The following SLC8A1 variants were observed in gnomAD, a reference collection of about 807,000 sequenced individuals.
SLC8A1 encodes the protein solute carrier family 8 member A1.
SLC8A1 carries 18 observed loss-of-function variants against 68.3 expected under a neutral mutation model. The observed-to-expected ratio is 0.26, with a 90% confidence interval of 0.18 to 0.39. The LOEUF is 0.39. Among genes scored for constraint, SLC8A1 ranks in the 10% least tolerant of loss-of-function variants. The probability of loss-of-function intolerance (pLI) is 1.00; values close to 1 mark genes in which losing one functional copy is unlikely to be tolerated. For synonymous variants in SLC8A1, 475 were observed against 415.5 expected, an observed-to-expected ratio of 1.14 and a Z score of -1.74; for missense variants, 985 against 1,156.7, an observed-to-expected ratio of 0.85 and a Z score of 2.15.
intron 2 of SLC8A1, among the ~76,000 whole-genome samples, chr2:40,325,921 G>A (rs2075775600): frequency 6.6e-6 from 1 of 151,860 alleles, no homozygotes; most frequent in South Asian, 2.1e-4. Context: ...AAGGTAAAAT[G>A]CACATTAATG....
chr2:40,489,419 C>T (rs968612127), intron 1 of SLC8A1, among the ~76,000 whole-genome samples: 1 of 152,016 alleles, frequency 6.6e-6, no homozygotes, highest in Non-Finnish European at 1.5e-5. Context: ...AAGCAGGGTG[C>T]AAGGCAGAAA....
intron 2 of SLC8A1, among the ~76,000 whole-genome samples, chr2:40,225,303 A>T (rs1034409329): frequency 6.6e-6 from 1 of 152,190 alleles, no homozygotes; most frequent in East Asian, 1.9e-4. Context: ...TGATAAAATG[A>T]TAAACAGTAT....
chr2:40,375,563 G>A (rs1679543341), intron 2 of SLC8A1, among the ~76,000 whole-genome samples: 1 of 152,016 alleles, frequency 6.6e-6, no homozygotes. Context: ...TATGACTCCA[G>A]GATCATTACC....
At chr2:40,125,593 T>C (rs1022474632) in intron 7 of SLC8A1, among the ~76,000 whole-genome samples, 2 of 152,222 alleles carry the variant, frequency 1.3e-5, no homozygotes, top group African/African-American at 4.8e-5. Context: ...CAGTATGTTT[T>C]AGTGACTTCA....
chr2:40,183,009 T>C (rs1282624205), intron 2 of SLC8A1, among the ~76,000 whole-genome samples: 1 of 152,228 alleles, frequency 6.6e-6, no homozygotes, highest in Non-Finnish European at 1.5e-5. Flanking sequence ...TTGCTTTTTG[T>C]CTTTTAAGGT....
intron 1 of SLC8A1, among the ~76,000 whole-genome samples, chr2:40,464,894 T>C (rs1004023421): frequency 3.3e-5 from 5 of 152,054 alleles, no homozygotes; most frequent in African/African-American, 1.2e-4. Flanking sequence ...CCACACTGAT[T>C]AGATAATAAA....
intron 2 of SLC8A1, among the ~76,000 whole-genome samples, chr2:40,321,608 C>T (rs1160388644): frequency 6.6e-6 from 1 of 152,000 alleles, no homozygotes; most frequent in South Asian, 2.1e-4. Flanking sequence ...CAGAAAGGGA[C>T]GCAAATACAT....
intron 2 of SLC8A1, among the ~76,000 whole-genome samples, chr2:40,340,061 C>A (rs772425292): frequency 3.9e-5 from 6 of 152,098 alleles, no homozygotes; most frequent in Non-Finnish European, 8.8e-5. Flanking sequence ...TGCAAAAAAA[C>A]CAAAAACTTC....
chr2:40,222,001 C>T (rs962738139), intron 2 of SLC8A1, among the ~76,000 whole-genome samples: 16 of 152,088 alleles, frequency 1.1e-4, no homozygotes. Context: ...ACTTTCATCA[C>T]AGAATTAGAA....
chr2:40,414,514 T>C (rs1193839400), intron 2 of SLC8A1, among the ~76,000 whole-genome samples: 1 of 152,252 alleles, frequency 6.6e-6, no homozygotes, highest in Non-Finnish European at 1.5e-5. Flanking sequence ...ATTCTGATCT[T>C]GTACTTGCAT....
intron 2 of SLC8A1, among the ~76,000 whole-genome samples, chr2:40,229,650 G>A (rs931997601): frequency 3.7e-4 from 56 of 152,038 alleles, no homozygotes; most frequent in African/African-American, 1.3e-3. Flanking sequence ...TCATCTCCAC[G>A]TTCCATCCTT....
At chr2:40,325,337 A>G (rs2075688132) in intron 2 of SLC8A1, among the ~76,000 whole-genome samples, 1 of 152,136 alleles carries the variant, frequency 6.6e-6, no homozygotes, top group East Asian at 1.9e-4. Flanking sequence ...CAGGCCCCTG[A>G]AACCAGGAAA....
chr2:40,227,547 C>T (rs918367482), intron 2 of SLC8A1, among the ~76,000 whole-genome samples: 14 of 151,916 alleles, frequency 9.2e-5, no homozygotes, highest in Middle Eastern at 3.2e-3. Context: ...GGAAACAACA[C>T]ATACTGGGGT....
chr2:40,304,103 T>C (rs1575216226), intron 2 of SLC8A1, among the ~76,000 whole-genome samples: 1 of 152,328 alleles, frequency 6.6e-6, no homozygotes, highest in South Asian at 2.1e-4. Flanking sequence ...TTGAGTCCTT[T>C]AGTATATCTC....
chr2:40,451,691 G>C (rs905055330), intron 1 of SLC8A1, among the ~76,000 whole-genome samples: 1 of 148,992 alleles, frequency 6.7e-6, no homozygotes, highest in African/African-American at 2.5e-5. Context: ...TTTCACTCTG[G>C]GAAGCGCGGA....
At chr2:40,252,021 A>ATATGAT (rs1472120720) in intron 2 of SLC8A1, among the ~76,000 whole-genome samples, 2 of 152,194 alleles carry the variant, frequency 1.3e-5, no homozygotes, top group Non-Finnish European at 2.9e-5. Context: ...CATATATGCA[A>ATATGAT]TATGATTACA....
chr2:40,505,341 C>T (rs1178128866), intron 1 of SLC8A1, among the ~76,000 whole-genome samples: 1 of 151,802 alleles, frequency 6.6e-6, no homozygotes, highest in Non-Finnish European at 1.5e-5. Context: ...TGTAAAGAGT[C>T]TAATGGGATT....
intron 1 of SLC8A1, among the ~76,000 whole-genome samples, chr2:40,432,596 T>C (rs191713896): frequency 6.6e-6 from 1 of 151,720 alleles, no homozygotes; most frequent in East Asian, 1.9e-4. Flanking sequence ...ATGGGAATCA[T>C]GCTTGGCACA....
intron 2 of SLC8A1, among the ~76,000 whole-genome samples, chr2:40,253,521 A>G (rs1054171590): frequency 3.3e-5 from 5 of 152,066 alleles, no homozygotes; most frequent in Non-Finnish European, 7.4e-5. Flanking sequence ...GTACAGTAGA[A>G]TGGTACTTAA....
Sources: allele counts gnomAD v4.1 joint callset (sites outside exome capture counted in the v4.1 genomes callset), GRCh38; gene constraint gnomAD v4.1.1; transcripts MANE v1.5; gene names NCBI Gene and HGNC (gene_info 2026-07-23, HGNC 2026-07-21).